The following TNNI1 variants were observed in gnomAD, a reference collection of about 807,000 sequenced individuals.
The protein encoded by TNNI1 is troponin I, slow skeletal muscle.
Under a neutral mutation model 26.7 loss-of-function variants are expected in TNNI1, and 14 were observed. The ratio of observed to expected loss-of-function variants is 0.52; its 90% CI spans 0.35 to 0.82. The LOEUF is 0.82. TNNI1 is among the 40% of genes least tolerant of loss of function. The pLI, the probability that TNNI1 is intolerant of heterozygous loss-of-function variation, is 0.01. For missense variants in TNNI1, 164 were observed against 257.0 expected (o/e 0.64, Z 2.47); for synonymous variants, 79 against 98.2 (o/e 0.80, Z 1.16).
At chr1:201,410,598 G>T (rs1199110161) in intron 7 of TNNI1, among the ~76,000 whole-genome samples, 163 bp from the exon 8 acceptor site, 4 of 152,214 alleles carry the variant, frequency 2.6e-5, no homozygotes, top group African/African-American at 7.2e-5. Flanking sequence ...GGTGGACACA[G>T]GCCAAGCCGA....
At position 201,411,324 on chromosome 1, in the gene TNNI1, G is replaced by A; in HGVS notation, c.456+33C>T. 2 of 1,608,880 alleles carry A rather than the reference G, an allele frequency of 1.2e-6. No individual in the cohort carries two copies. Among genetic ancestry groups the A allele is most frequent in the Admixed American group, 3.4e-5 (2 of 59,220 alleles). ...TGACAAGGGGAAAGCTGGTAGGGCA[G>A]AGGGTGGAATGTTCTGAGGAAAGGG... On this transcript the variant is annotated intron_variant, in intron 7 of 8. Coordinates refer to ENST00000361379, the MANE Select transcript of TNNI1 (RefSeq NM_003281.4). The surrounding 1 kb of genome is among the most constrained non-coding windows in gnomAD (Gnocchi z 4.6).
At chr1:201,421,234 G>A (rs3767550) in intron 1 of TNNI1, among the ~76,000 whole-genome samples, 4,558 of 152,218 alleles carry the variant, frequency 0.03, 87 homozygotes, top group South Asian at 0.084. Context: ...AGTCCTGCGC[G>A]TCAGGCACCC....
intron 5 of TNNI1, among the ~76,000 whole-genome samples, chr1:201,413,760 T>C (rs1662683013): frequency 6.6e-6 from 1 of 152,040 alleles, no homozygotes; most frequent in African/African-American, 2.4e-5. Flanking sequence ...AAAAAAAGTA[T>C]TCTTTCATCA....
chr1:201,412,939 G>T, intron 6 of TNNI1, 93 bp downstream of exon 6: 1 of 1,308,564 alleles, frequency 7.6e-7, no homozygotes, highest in Non-Finnish European at 1.1e-6. Context: ...CCTAGGCCCT[G>T]TGGAAGGAGG....
chr1:201,414,498 G>T lies in TNNI1; in HGVS notation c.189+20C>A. The T allele has an allele frequency of 6.6e-7, 1 of 1,519,994 alleles. No homozygotes were observed. Among genetic ancestry groups the T allele is most frequent in the Non-Finnish European group, 8.9e-7 (1 of 1,120,988 alleles). The allele number at this position is 1,519,994 out of a possible 1,614,324, so 94.2% of individuals were successfully genotyped here. ...AGCACCTCCAGCCCCACCCTGCCCC[G>T]CCCCACCTGCCAGGCTAACCTGCAG... On this transcript the variant is annotated intron_variant, in intron 5 of 8. Transcript: ENST00000361379.
intron 5 of TNNI1, 71 bp from the exon 6 acceptor site, chr1:201,413,192 C>T: frequency 3.9e-6 from 6 of 1,557,348 alleles, no homozygotes; most frequent in Non-Finnish European, 5.3e-6. Flanking sequence ...CAGCCCTTGA[C>T]CCTCTCCCCA....
rs1049818314 is a variant in TNNI1, at chr1:201,407,632, T to A, written c.*1621A>T. 6.6e-6 allele frequency: 1 copy of A among 152,172 alleles called. No individual in the cohort carries two copies. Among genetic ancestry groups the A allele is most frequent in the African/African-American group, 2.4e-5 (1 of 41,412 alleles). The allele number at this position is 152,172 out of a possible 1,614,324, so 9.4% of individuals were successfully genotyped here. A position where few individuals can be genotyped will look rare whatever the true frequency, so the allele number is the denominator to read the frequency against. On this transcript the variant is annotated 3_prime_UTR_variant, in exon 9 of 9. Coordinates refer to ENST00000361379, the MANE Select transcript of TNNI1 (RefSeq NM_003281.4). Reference sequence around the variant, plus strand: ...GTGGGTAGAAGGGTTGCTGCTCTGATAACTCAGCCCCTCCTAGGGCCAGTG... The same window carrying A: ...GTGGGTAGAAGGGTTGCTGCTCTGAAAACTCAGCCCCTCCTAGGGCCAGTG...
chr1:201,410,123 G>T lies in TNNI1; in HGVS notation c.*2+203C>A, dbSNP rs183700090. The T allele has an allele frequency of 2.1e-3, 1,085 of 507,388 alleles. 7 individuals are homozygous for T. Among genetic ancestry groups the T allele is most frequent in the African/African-American group, 0.012 (607 of 51,658 alleles). 31.4% of individuals were successfully genotyped at this position (507,388 alleles called of 1,614,324 possible). A position where few individuals can be genotyped will look rare whatever the true frequency, so the allele number is the denominator to read the frequency against. On this transcript the variant is annotated intron_variant, in intron 8 of 8. Transcript: ENST00000361379. ...ATAGATAATGGGAACAAAAAGGGCCGCCAAACAGAAATGACATGCCCAAGT... is the reference window on the plus strand; with the variant it reads ...ATAGATAATGGGAACAAAAAGGGCCTCCAAACAGAAATGACATGCCCAAGT...
chr1:201,417,758 C>T lies in TNNI1; in HGVS notation c.11+25G>A, dbSNP rs373085738. 124 of 1,313,758 alleles carry T rather than the reference C, an allele frequency of 9.4e-5. No individual in the cohort carries two copies. In the African/African-American group the frequency reaches 1.7e-3, roughly 18 times the overall value. 81.4% of individuals were successfully genotyped at this position (1,313,758 alleles called of 1,614,324 possible). On this transcript the variant is annotated intron_variant, in intron 2 of 8. Coordinates refer to ENST00000361379, the MANE Select transcript of TNNI1 (RefSeq NM_003281.4). ...GCAAAGGGACTTGCCTTCCTGGGGC[C>T]CCAGATGGCAGTGAGACTACTTACA...
intron 1 of TNNI1, among the ~76,000 whole-genome samples, chr1:201,419,775 G>A (rs1044287304): frequency 2.6e-5 from 4 of 152,180 alleles, no homozygotes; most frequent in Non-Finnish European, 5.9e-5. Context: ...GCCACCAGGG[G>A]AGGGTAAGGC....
chr1:201,412,470 T>C (rs904343692), intron 6 of TNNI1, among the ~76,000 whole-genome samples: 3 of 152,124 alleles, frequency 2.0e-5, no homozygotes, highest in African/African-American at 7.2e-5. Context: ...AGCCCTGTCC[T>C]TCTCTGCTCT....
intron 8 of TNNI1, chr1:201,409,988 T>G: frequency 5.2e-6 from 1 of 193,478 alleles, no homozygotes; most frequent in Non-Finnish European, 1.1e-5. Flanking sequence ...GAGTTTCCAA[T>G]TTAGTGGATC....
At position 201,411,335 on chromosome 1, in the gene TNNI1, G is replaced by C. The variant is rs775645815; in HGVS notation, c.456+22C>G. ...AAGCTGGTAGGGCAGAGGGTGGAATGTTCTGAGGAAAGGGACCTCACCTTC... is the reference window on the plus strand; with the variant it reads ...AAGCTGGTAGGGCAGAGGGTGGAATCTTCTGAGGAAAGGGACCTCACCTTC... On this transcript the variant is annotated intron_variant, in intron 7 of 8. Coordinates refer to ENST00000361379, the MANE Select transcript of TNNI1 (RefSeq NM_003281.4). The surrounding 1 kb of genome is among the most constrained non-coding windows in gnomAD (Gnocchi z 4.6). 3.5e-5 allele frequency: 57 copies of C among 1,612,650 alleles called. No homozygotes were observed. The highest frequency in any genetic ancestry group is 4.7e-5 in the Non-Finnish European group (55 of 1,179,442).
At chr1:201,414,726 C>G in intron 4 of TNNI1, 77 bp from the exon 5 acceptor site, 2 of 1,572,782 alleles carry the variant, frequency 1.3e-6, no homozygotes, top group South Asian at 2.4e-5. Flanking sequence ...AGGGCAGCCA[C>G]AGCCTGGGCC....
intron 7 of TNNI1, among the ~76,000 whole-genome samples, 170 bp from the exon 8 acceptor site, chr1:201,410,605 C>A (rs987848843): frequency 6.6e-6 from 1 of 152,180 alleles, no homozygotes; most frequent in Admixed American, 6.5e-5. Context: ...ACAGGCCAAG[C>A]CGAGGCCCCA....
At chr1:201,410,039 C>T (rs1662602618) in intron 8 of TNNI1, 5 of 291,404 alleles carry the variant, frequency 1.7e-5, no homozygotes, top group Middle Eastern at 1.0e-3. Flanking sequence ...GTGATGTAGA[C>T]GCTGCTGGTC....
chr1:201,419,209 A>C (rs1662812643), intron 1 of TNNI1, among the ~76,000 whole-genome samples: 1 of 152,252 alleles, frequency 6.6e-6, no homozygotes, highest in South Asian at 2.1e-4. Context: ...CTGTGAGGAC[A>C]CTTGGCTGTG....
At chr1:201,414,711 A>C in intron 4 of TNNI1, 62 bp from the exon 5 acceptor site, 2 of 1,585,134 alleles carry the variant, frequency 1.3e-6, no homozygotes, top group Non-Finnish European at 1.7e-6. Context: ...TCAGGGAATG[A>C]GGGGAGGGCA....
At chr1:201,414,444 T>C in intron 5 of TNNI1, 74 bp downstream of exon 5, 1 of 1,361,724 alleles carries the variant, frequency 7.3e-7, no homozygotes, top group South Asian at 1.5e-5. Context: ...TTCAGGCTCC[T>C]GCCGCCTGGT....
Sources: allele counts gnomAD v4.1 joint callset (sites outside exome capture counted in the v4.1 genomes callset), GRCh38; gene constraint gnomAD v4.1.1; non-coding constraint Gnocchi (gnomAD v3.1); transcripts MANE v1.5; gene names NCBI Gene and HGNC (gene_info 2026-07-23, HGNC 2026-07-21).